ZFHX3: variants seen among roughly 807,000 people sequenced by gnomAD.
ZFHX3 encodes the protein zinc finger homeobox protein 3.
In ZFHX3, 42 loss-of-function variants were observed where a neutral mutation model predicts 279.1. That is an observed-to-expected ratio of 0.15 (90% confidence interval 0.12 to 0.19). The LOEUF (loss-of-function observed/expected upper bound fraction) is 0.19, where lower values mean the gene tolerates loss of function less well. Ranked by LOEUF, ZFHX3 falls within the 10% of genes least tolerant of loss-of-function variation. ZFHX3 has a pLI of 1.00. For missense variants in ZFHX3, 4,981 were observed against 4,754.0 expected (o/e 1.05, Z -1.40); for synonymous variants, 2,293 against 1,957.8 (o/e 1.17, Z -4.52).
At chr16:73,525,192 C>T (rs113268507) in intron 2 of ZFHX3, among the ~76,000 whole-genome samples, 1 of 152,108 alleles carries the variant, frequency 6.6e-6, no homozygotes, top group Non-Finnish European at 1.5e-5. Context: ...TTCCTGTTGG[C>T]GATTTTTCTT....
chr16:72,951,765 ACTTT>A (rs1179740477), intron 2 of ZFHX3, among the ~76,000 whole-genome samples: 1 of 152,188 alleles, frequency 6.6e-6, no homozygotes, highest in Non-Finnish European at 1.5e-5. Context: ...GACCAACATG[ACTTT>A]CTGCCACCTT....
Position 72,994,518 on chromosome 16 carries a change from A to C in ZFHX3, c.-49-34324T>G, listed in dbSNP as rs77130419. Among the ~76,000 whole-genome samples the C allele has an allele frequency of 5.7e-3, 869 of 152,330 alleles. 9 individuals carry two copies. Among genetic ancestry groups the C allele is most frequent in the South Asian group, 0.04 (195 of 4,826 alleles). ...CATTAACAGAACCTCAAACCAAGGA[A>C]CAAAAGTCATCGAGCCAAGGGGGCC... On this transcript the variant is annotated intron_variant, in intron 1 of 9. Coordinates refer to ENST00000268489, the MANE Select transcript of ZFHX3 (RefSeq NM_006885.4).
At chr16:73,256,123 C>A (rs781118060) in intron 5 of ZFHX3, among the ~76,000 whole-genome samples, 1 of 152,164 alleles carries the variant, frequency 6.6e-6, no homozygotes, top group African/African-American at 2.4e-5. Flanking sequence ...GCTCGAACAT[C>A]GTCTAGGAGG....
chr16:73,048,840 C>T (rs1965395259), upstream of ZFHX3, among the ~76,000 whole-genome samples: 1 of 152,094 alleles, frequency 6.6e-6, no homozygotes, highest in African/African-American at 2.4e-5. Context: ...TTTTTGAGGC[C>T]AGAGAAAGAG....
chr16:72,910,705 G>C (rs143551082), intron 3 of ZFHX3, among the ~76,000 whole-genome samples: 1 of 151,962 alleles, frequency 6.6e-6, no homozygotes, highest in Non-Finnish European at 1.5e-5. Flanking sequence ...CATAACCCTC[G>C]GGAGTTTTTA....
chr16:73,195,384 A>G (rs984357675), intron 5 of ZFHX3, among the ~76,000 whole-genome samples: 1 of 151,844 alleles, frequency 6.6e-6, no homozygotes, highest in Non-Finnish European at 1.5e-5. Context: ...AGATACAGAA[A>G]TACTACAAAA....
intron 1 of ZFHX3, among the ~76,000 whole-genome samples, chr16:73,824,221 T>G (rs1960831759): frequency 6.6e-6 from 1 of 152,222 alleles, no homozygotes; most frequent in African/African-American, 2.4e-5. Flanking sequence ...TCAAATTTAT[T>G]TGATCACAGA....
At chr16:73,220,131 G>A (rs1476543044) in intron 5 of ZFHX3, among the ~76,000 whole-genome samples, 1 of 151,718 alleles carries the variant, frequency 6.6e-6, no homozygotes, top group Non-Finnish European at 1.5e-5. Flanking sequence ...AGAAAAATAC[G>A]TTTGGGCATT....
chr16:73,566,224 C>T (rs999821996), intron 2 of ZFHX3, among the ~76,000 whole-genome samples: 1 of 152,196 alleles, frequency 6.6e-6, no homozygotes, highest in Non-Finnish European at 1.5e-5. Context: ...GACTGAGAGG[C>T]CTCTGCAGAT....
At chr16:73,603,732 A>G (rs8054782) in intron 2 of ZFHX3, among the ~76,000 whole-genome samples, 84,005 of 150,158 alleles carry the variant, frequency 0.56, 27,106 homozygotes, top group East Asian at 0.82. Context: ...AATATTTTGC[A>G]ATCAATATGC....
At chr16:73,187,030 T>C (rs914869313) in intron 5 of ZFHX3, among the ~76,000 whole-genome samples, 2 of 152,124 alleles carry the variant, frequency 1.3e-5, no homozygotes, top group Admixed American at 1.3e-4. Context: ...TTCCAGATCT[T>C]TCAAAGGTTG....
chr16:73,877,353 T>C (rs983689798), intron 1 of ZFHX3, among the ~76,000 whole-genome samples: 7 of 152,180 alleles, frequency 4.6e-5, no homozygotes, highest in Non-Finnish European at 5.9e-5. Flanking sequence ...CATGACATGT[T>C]GGCAGGGAGG....
intron 3 of ZFHX3, among the ~76,000 whole-genome samples, chr16:72,919,401 T>G (rs2039525958): frequency 6.6e-6 from 1 of 152,128 alleles, no homozygotes; most frequent in Non-Finnish European, 1.5e-5. Context: ...GCTCAAGTGA[T>G]CTATCTGCCT....
intron 3 of ZFHX3, among the ~76,000 whole-genome samples, chr16:72,949,836 CAA>C (rs1960891168): frequency 6.7e-6 from 1 of 149,242 alleles, no homozygotes; most frequent in Admixed American, 6.7e-5. Context: ...TAGCCTGCTA[CAA>C]AATTTATCCA....
chr16:73,773,916 T>A (rs932115349), intron 1 of ZFHX3, among the ~76,000 whole-genome samples: 4 of 151,988 alleles, frequency 2.6e-5, no homozygotes, highest in Non-Finnish European at 4.4e-5. Flanking sequence ...ATTAAGAGGA[T>A]CTCTTGAGGC....
intron 2 of ZFHX3, among the ~76,000 whole-genome samples, chr16:73,628,447 G>T (rs1299568077): frequency 6.6e-6 from 1 of 152,154 alleles, no homozygotes; most frequent in African/African-American, 2.4e-5. Flanking sequence ...TCCTAAATAA[G>T]ATTTCTTCAC....
intron 4 of ZFHX3, among the ~76,000 whole-genome samples, chr16:72,839,271 C>T (rs1410692573): frequency 1.3e-5 from 2 of 151,964 alleles, no homozygotes; most frequent in Non-Finnish European, 2.9e-5. Context: ...AGGAGGCGCG[C>T]TCTCTGGGAG....
At chr16:73,592,955 G>A (rs1172573997) in intron 2 of ZFHX3, among the ~76,000 whole-genome samples, 1 of 152,024 alleles carries the variant, frequency 6.6e-6, no homozygotes, top group African/African-American at 2.4e-5. Flanking sequence ...ACTTACAGAT[G>A]TGCAGATGTA....
At chr16:73,330,885 C>G (rs1027086485) in intron 3 of ZFHX3, among the ~76,000 whole-genome samples, 4 of 152,150 alleles carry the variant, frequency 2.6e-5, no homozygotes, top group African/African-American at 9.7e-5. Flanking sequence ...GGCTTTCTTC[C>G]TTTCTCTCCA....
Sources: allele counts gnomAD v4.1 joint callset (sites outside exome capture counted in the v4.1 genomes callset), GRCh38; gene constraint gnomAD v4.1.1; transcripts MANE v1.5; gene names NCBI Gene and HGNC (gene_info 2026-07-23, HGNC 2026-07-21).